The following ACSM3 variants were observed in gnomAD, a reference collection of about 807,000 sequenced individuals.
The protein encoded by ACSM3 is acyl-coenzyme A synthetase ACSM3, mitochondrial.
ACSM3 carries 61 observed loss-of-function variants against 74.1 expected under a neutral mutation model. That is an observed-to-expected ratio of 0.82 (90% CI 0.67 to 1.02). The LOEUF (loss-of-function observed/expected upper bound fraction) is 1.02. ACSM3 is among the 50% of genes least tolerant of loss of function. The probability of loss-of-function intolerance (pLI) is 0.00; values close to 1 mark genes in which losing one functional copy is unlikely to be tolerated. For synonymous variants in ACSM3, 213 were observed against 241.5 expected (o/e 0.88, Z 1.09); for missense variants, 660 against 697.0 (o/e 0.95, Z 0.60).
At chr16:20,742,641 C>CAAAA (rs35133233) in intron 1 of ACSM3, among the ~76,000 whole-genome samples, 19 of 129,716 alleles carry the variant, frequency 1.5e-4, no homozygotes, top group African/African-American at 5.0e-4. Context: ...GGCTCTGTCT[C>CAAAA]AAAAAAAAAA....
At chr16:20,760,796 CT>C (rs1481097832), upstream of ACSM3, among the ~76,000 whole-genome samples, 1 of 152,096 alleles carries the variant, frequency 6.6e-6, no homozygotes, top group Non-Finnish European at 1.5e-5. Flanking sequence ...TCATTAATTC[CT>C]TCTTCATCTT....
chr16:20,729,257 G>T, intron 1 of ACSM3: 1 of 1,154,344 alleles, frequency 8.7e-7, no homozygotes, highest in Non-Finnish European at 1.3e-6. Context: ...TGCTGCCACG[G>T]TAAGGGGAGA....
intron 2 of ACSM3, among the ~76,000 whole-genome samples, chr16:20,774,888 C>T (rs906897203): frequency 5.3e-5 from 8 of 152,130 alleles, no homozygotes; most frequent in Non-Finnish European, 7.3e-5. Flanking sequence ...TCCTTGGGTC[C>T]GCAGATGGCA....
rs1337518503 is a variant in ACSM3, at chr16:20,675,496, G to A, written c.-190+674G>A. ...AACTCCTGTAATAGGACCCAGTCTG[G>A]TGGACCTTAGAGTGAAAGTGCACCT... On this transcript the variant is annotated intron_variant, in intron 1 of 3. Transcript: ENST00000561584. 2.0e-5 allele frequency among the ~76,000 whole-genome samples: 3 copies of A among 152,190 alleles called. No homozygotes were observed. The East Asian group carries it at 5.8e-4, about 29-fold the overall frequency.
intron 1 of ACSM3, among the ~76,000 whole-genome samples, chr16:20,695,935 C>T (rs193293913): frequency 7.9e-5 from 12 of 152,316 alleles, no homozygotes; most frequent in Admixed American, 4.6e-4. Context: ...TCATGTGCCA[C>T]AATATGATGT....
At chr16:20,747,166 A>C (rs557940860) in intron 1 of ACSM3, among the ~76,000 whole-genome samples, 25 of 152,268 alleles carry the variant, frequency 1.6e-4, no homozygotes, top group African/African-American at 6.0e-4. Context: ...CACTATCTGC[A>C]GAGCCAGGGC....
At chr16:20,749,606 G>A (rs2079974009) in intron 1 of ACSM3, 2 of 152,480 alleles carry the variant, frequency 1.3e-5, no homozygotes, top group South Asian at 2.1e-4. Context: ...AGAAAGAGAA[G>A]TAGAGACAGA....
At chr16:20,689,682 T>G (rs1387300251) in intron 1 of ACSM3, among the ~76,000 whole-genome samples, 2 of 152,210 alleles carry the variant, frequency 1.3e-5, no homozygotes, top group Non-Finnish European at 2.9e-5. Flanking sequence ...TTTATATTAC[T>G]CAAATTTATA....
intron 1 of ACSM3, chr16:20,741,575 G>T: frequency 6.4e-7 from 1 of 1,552,078 alleles, no homozygotes; most frequent in Non-Finnish European, 8.7e-7. Flanking sequence ...CCACGCACTT[G>T]CGCTCGTTCA....
intron 1 of ACSM3, chr16:20,737,146 C>T (rs774984968): frequency 6.2e-7 from 1 of 1,614,094 alleles, no homozygotes; most frequent in African/African-American, 1.3e-5. Flanking sequence ...TTCACCACCT[C>T]CTGGAGATTG....
At chr16:20,765,456 G>A (rs1345492311) in intron 1 of ACSM3, among the ~76,000 whole-genome samples, 1 of 152,166 alleles carries the variant, frequency 6.6e-6, no homozygotes, top group Non-Finnish European at 1.5e-5. Context: ...ACATACGTTT[G>A]AAGGATTCTG....
chr16:20,794,580 G>T (rs2080679023), intron 12 of ACSM3, among the ~76,000 whole-genome samples: 1 of 152,162 alleles, frequency 6.6e-6, no homozygotes, highest in Non-Finnish European at 1.5e-5. Flanking sequence ...AAAAATACAA[G>T]ATTTTGCATA....
intron 2 of ACSM3, among the ~76,000 whole-genome samples, chr16:20,772,982 A>C (rs2080211886): frequency 6.6e-6 from 1 of 151,992 alleles, no homozygotes; most frequent in Non-Finnish European, 1.5e-5. Flanking sequence ...AAAAAAAAAA[A>C]AGATTTAGTG....
chr16:20,698,060 G>A (rs1197816839), intron 1 of ACSM3, among the ~76,000 whole-genome samples: 1 of 151,866 alleles, frequency 6.6e-6, no homozygotes, highest in African/African-American at 2.4e-5. Flanking sequence ...CGGGTGTGGT[G>A]GTGGGCGCCT....
At chr16:20,775,707 C>T (rs1444140648) in intron 2 of ACSM3, 132 bp from the exon 3 acceptor site, 2 of 870,896 alleles carry the variant, frequency 2.3e-6, no homozygotes, top group Non-Finnish European at 3.7e-6. Context: ...AGAGTTATTT[C>T]CAAATTCTCC....
chr16:20,744,997 C>T (rs1174734689), intron 1 of ACSM3, among the ~76,000 whole-genome samples: 2 of 152,168 alleles, frequency 1.3e-5, no homozygotes, highest in Admixed American at 1.3e-4. Context: ...AACCCTGTAG[C>T]TCTCAGTCTA....
At position 20,794,467 on chromosome 16, in the gene ACSM3, T is replaced by A. The variant is rs1244005544; in HGVS notation, c.1555-1903T>A. On this transcript the variant is annotated intron_variant, in intron 12 of 13. Coordinates refer to ENST00000289416, the MANE Select transcript of ACSM3 (RefSeq NM_005622.4). ...TCACTTGAAATGTGGCTAGTGTGAC[T>A]GAGAGTATTTAATCTTATTTAATTT... 2.0e-5 allele frequency among the ~76,000 whole-genome samples: 3 copies of A among 152,186 alleles called. No homozygotes were observed. In the East Asian group the frequency reaches 5.8e-4, roughly 29 times the overall value.
chr16:20,676,696 T>C (rs1425115498), intron 1 of ACSM3, among the ~76,000 whole-genome samples: 1 of 152,140 alleles, frequency 6.6e-6, no homozygotes, highest in Non-Finnish European at 1.5e-5. Flanking sequence ...CAAGGAGGCA[T>C]GGTCGTGGGC....
At chr16:20,695,702 T>G (rs1406574476) in intron 1 of ACSM3, among the ~76,000 whole-genome samples, 1 of 152,024 alleles carries the variant, frequency 6.6e-6, no homozygotes, top group Non-Finnish European at 1.5e-5. Flanking sequence ...TATCTATCTA[T>G]CTAGATATAT....
Sources: allele counts gnomAD v4.1 joint callset (sites outside exome capture counted in the v4.1 genomes callset), GRCh38; gene constraint gnomAD v4.1.1; transcripts MANE v1.5; gene names NCBI Gene and HGNC (gene_info 2026-07-23, HGNC 2026-07-21).